ATP2C1: variants seen among roughly 807,000 people sequenced by gnomAD.
ATP2C1 encodes the protein calcium-transporting ATPase type 2C member 1.
A neutral mutation model predicts 120.5 loss-of-function variants in ATP2C1; 31 were observed. That is an observed-to-expected ratio of 0.26 (90% CI 0.19 to 0.35). The LOEUF (loss-of-function observed/expected upper bound fraction) is 0.35. Ranked by LOEUF, ATP2C1 falls within the 10% of genes least tolerant of loss-of-function variation. The pLI is 1.00. For synonymous variants in ATP2C1, 351 were observed against 358.7 expected (o/e 0.98, Z 0.24); for missense variants, 731 against 1,107.5 (o/e 0.66, Z 4.83).
At chr3:130,941,926 G>A (rs925308983) in intron 8 of ATP2C1, among the ~76,000 whole-genome samples, 2 of 152,028 alleles carry the variant, frequency 1.3e-5, no homozygotes, top group African/African-American at 4.8e-5. Flanking sequence ...ATAGAAACCT[G>A]CATATTAGGG....
At chr3:130,882,156 T>C (rs1249712480) in intron 1 of ATP2C1, among the ~76,000 whole-genome samples, 2 of 152,212 alleles carry the variant, frequency 1.3e-5, no homozygotes, top group Non-Finnish European at 2.9e-5. Context: ...ACTCTAAGTT[T>C]TTCCCCATTC....
At chr3:130,916,055 A>T (rs544432001) in intron 2 of ATP2C1, among the ~76,000 whole-genome samples, 7 of 152,308 alleles carry the variant, frequency 4.6e-5, no homozygotes, top group Non-Finnish European at 1.0e-4. Flanking sequence ...TAGGATTCTT[A>T]TAGTCTCCTA....
intron 20 of ATP2C1, among the ~76,000 whole-genome samples, chr3:130,992,112 G>T (rs893845994): frequency 2.6e-5 from 4 of 152,186 alleles, no homozygotes; most frequent in Non-Finnish European, 5.9e-5. Context: ...AATGCTTACA[G>T]TTAGTGAGTT....
At chr3:130,999,406 G>A (rs1053871187) in intron 26 of ATP2C1, 112 bp from the exon 27 acceptor site, 33 of 1,015,632 alleles carry the variant, frequency 3.2e-5, no homozygotes, top group Non-Finnish European at 1.8e-5. Flanking sequence ...AATTGACATT[G>A]CACAATTCAG....
intron 1 of ATP2C1, among the ~76,000 whole-genome samples, chr3:130,855,486 A>G (rs2067806919): frequency 6.6e-6 from 1 of 152,150 alleles, no homozygotes; most frequent in Non-Finnish European, 1.5e-5. Flanking sequence ...TAGTAAGCAG[A>G]GGCTGTTGAG....
intron 2 of ATP2C1, among the ~76,000 whole-genome samples, chr3:130,912,980 A>G (rs1287504688): frequency 6.7e-6 from 1 of 149,482 alleles, no homozygotes; most frequent in African/African-American, 2.5e-5. Context: ...GGAAATCATC[A>G]TTCTCAGTAA....
chr3:130,944,754 G>C (rs1434804793), intron 8 of ATP2C1, among the ~76,000 whole-genome samples: 12 of 152,134 alleles, frequency 7.9e-5, no homozygotes, highest in Non-Finnish European at 1.2e-4. Flanking sequence ...CCTGTGTCAG[G>C]TTTTCAGAAG....
At chr3:130,998,487 T>A in intron 26 of ATP2C1, 98 bp downstream of exon 26, 2 of 934,746 alleles carry the variant, frequency 2.1e-6, no homozygotes, top group East Asian at 2.5e-5. Context: ...TAGCTTTGCT[T>A]AATTTTGTAG....
chr3:130,961,124 G>A (rs1278159540), intron 12 of ATP2C1, among the ~76,000 whole-genome samples: 1 of 150,992 alleles, frequency 6.6e-6, no homozygotes, highest in Non-Finnish European at 1.5e-5. Context: ...TGAAACTCTT[G>A]GTTTAAATTT....
chr3:130,929,150 C>A (rs976764005), intron 2 of ATP2C1, among the ~76,000 whole-genome samples: 1 of 151,778 alleles, frequency 6.6e-6, no homozygotes, highest in Non-Finnish European at 1.5e-5. Context: ...TCTCTAGTTT[C>A]CTCATATTTA....
At chr3:130,925,631 A>G (rs1041574858) in intron 2 of ATP2C1, among the ~76,000 whole-genome samples, 2 of 152,206 alleles carry the variant, frequency 1.3e-5, no homozygotes, top group East Asian at 3.8e-4. Flanking sequence ...CCCTAGAGAC[A>G]CTTGGTCAAG....
chr3:130,979,318 C>T lies in ATP2C1; in HGVS notation c.1640C>T (p.Pro547Leu), dbSNP rs1287426656. 6.2e-7 allele frequency: 1 copy of T among 1,613,610 alleles called. No homozygotes were observed. The highest frequency in any genetic ancestry group is 2.2e-5 in the East Asian group (1 of 44,834). ...TFLGLVGIID[P>L]PRTGVKEAVT... ...CTTGGCTTGGTGGGAATCATTGATCCACCTAGAACTGGTGTGAAAGAAGCT... is the reference window on the plus strand; with the variant it reads ...CTTGGCTTGGTGGGAATCATTGATCTACCTAGAACTGGTGTGAAAGAAGCT... The change falls in exon 19 of 28, where the codon CCA becomes CTA. Residue 547 changes from proline to leucine, a missense_variant. Physicochemically the swap from Pro to Leu is moderately conservative, Grantham distance 98 (BLOSUM62 -3). Around this residue, in one of 3 missense-constraint regions of ATP2C1, gnomAD observed 571 missense variants for 845.9 expected, o/e 0.67. Coordinates refer to ENST00000510168, the MANE Select transcript of ATP2C1 (RefSeq NM_001378687.1).
At chr3:130,908,950 A>C (rs2058264572) in intron 2 of ATP2C1, among the ~76,000 whole-genome samples, 1 of 152,142 alleles carries the variant, frequency 6.6e-6, no homozygotes, top group Non-Finnish European at 1.5e-5. Context: ...AATAAGATTT[A>C]TCTTTTAAGA....
intron 17 of ATP2C1, among the ~76,000 whole-genome samples, chr3:130,973,241 C>T (rs964217268): frequency 6.6e-6 from 1 of 151,988 alleles, no homozygotes; most frequent in South Asian, 2.1e-4. Flanking sequence ...AGTGGCCCAC[C>T]AACTGCTCAG....
chr3:130,921,079 CT>C (rs1170193033), intron 2 of ATP2C1, among the ~76,000 whole-genome samples: 1,444 of 128,544 alleles, frequency 0.011, 4 homozygotes, highest in African/African-American at 0.025. Flanking sequence ...AGTTTTCTTT[CT>C]TTTTTTTTTT....
chr3:130,903,833 G>GT (rs1459675008), intron 2 of ATP2C1, among the ~76,000 whole-genome samples: 1 of 151,854 alleles, frequency 6.6e-6, no homozygotes, highest in African/African-American at 2.4e-5. Flanking sequence ...AAATGGACGG[G>GT]TTTAAAAAAT....
In ATP2C1 at chr3:130,868,940, T is replaced by G. The variant is rs1010939448; in HGVS notation, c.108+18012T>G. 8 of 159,056 alleles carry G rather than the reference T, an allele frequency of 5.0e-5. 1 individual carries two copies. The highest frequency in any genetic ancestry group is 2.1e-4 in the African/African-American group (8 of 38,836). 9.9% of individuals were successfully genotyped at this position (159,056 alleles called of 1,614,324 possible). On this transcript the variant is annotated intron_variant, in intron 1 of 26. Coordinates refer to the ATP2C1 transcript ENST00000504381. ...CTGGGAGGTGTGCCCAGCGGCTCATTGGGGATGGGCCATGATGACAATGGC... is the reference window on the plus strand; with the variant it reads ...CTGGGAGGTGTGCCCAGCGGCTCATGGGGGATGGGCCATGATGACAATGGC...
chr3:130,879,259 G>A (rs1403099742), intron 1 of ATP2C1, among the ~76,000 whole-genome samples: 1 of 152,076 alleles, frequency 6.6e-6, no homozygotes, highest in African/African-American at 2.4e-5. Context: ...AATAGAGGCA[G>A]CGTTTCTCCA....
chr3:130,895,438 A>G (rs1270912987), intron 2 of ATP2C1, among the ~76,000 whole-genome samples: 1 of 152,220 alleles, frequency 6.6e-6, no homozygotes, highest in Non-Finnish European at 1.5e-5. Context: ...CCTCGTTAAA[A>G]TATTTAATGC....
Sources: gnomAD v4.1 joint callset for allele counts (sites outside exome capture counted in the v4.1 genomes callset) on GRCh38, gnomAD v4.1.1 for gene constraint, gnomAD v4.1.1 regional missense constraint, MANE v1.5 for transcripts, NCBI Gene and HGNC (gene_info 2026-07-23, HGNC 2026-07-21) for gene names.